Variants in DSTYK observed in about 807,000 individuals in gnomAD.
DSTYK encodes the protein RIP-homologous kinase.
A neutral mutation model predicts 98.7 loss-of-function variants in DSTYK; 34 were observed. The observed-to-expected ratio is 0.34, with a 90% CI of 0.26 to 0.46. The LOEUF is 0.46. Ranked by LOEUF, DSTYK falls within the 20% of genes least tolerant of loss-of-function variation. The pLI, the probability that DSTYK is intolerant of heterozygous loss-of-function variation, is 1.00. For synonymous variants in DSTYK, 462 were observed against 457.3 expected, an observed-to-expected ratio of 1.01 and a Z score of -0.13; for missense variants, 962 against 1,181.7, an observed-to-expected ratio of 0.81 and a Z score of 2.73.
intron 2 of DSTYK, among the ~76,000 whole-genome samples, chr1:205,183,273 G>T (rs1658471939): frequency 6.6e-6 from 1 of 152,166 alleles, no homozygotes; most frequent in African/African-American, 2.4e-5. Context: ...TATGGTGAAT[G>T]GTGAAATGTG....
chr1:205,159,610 G>T lies in DSTYK; in HGVS notation c.2175C>A (p.Gly725=). The T allele has an allele frequency of 6.2e-7, 1 of 1,613,828 alleles. No individual in the cohort carries two copies. The highest frequency in any genetic ancestry group is 8.5e-7 in the Non-Finnish European group (1 of 1,179,964). The change falls in exon 9 of 13, where the codon GGC becomes GGA. Residue 725 remains glycine (G), a synonymous_variant. Transcript: ENST00000367162. ...GSVIDYNYGG[G]SSIAVLLIME... is the part of the protein sequence containing the mutation. ...TAATGAGGAGCACAGCAATGCTGGA[G>T]CCACCACCATAGTTGTAGTCAATGA...
At chr1:205,181,653 GGTTTGTGTGTGTGTGTGTGTGTGT>G (rs1348264343) in intron 2 of DSTYK, among the ~76,000 whole-genome samples, 16 of 84,052 alleles carry the variant, frequency 1.9e-4, no homozygotes, top group South Asian at 9.3e-4. Context: ...CAGATGTTGG[GGTTTGTGTGTGTGTGTGTGTGTGT>G]GTGTGTGTGT....
At chr1:205,160,062 C>G (rs1657670760) in intron 8 of DSTYK, 52 bp downstream of exon 8, 1 of 1,599,300 alleles carries the variant, frequency 6.3e-7, no homozygotes. Context: ...AACCAGGGTT[C>G]TAGATTCTTC....
At position 205,169,850 on chromosome 1, in the gene DSTYK, T is replaced by TCATA. The variant is rs1435066821; in HGVS notation, c.655-22_655-19dup. 6.3e-7 allele frequency: 1 copy of TCATA among 1,595,182 alleles called. No homozygotes were observed. Among genetic ancestry groups the TCATA allele is most frequent in the Admixed American group, 1.7e-5 (1 of 57,916 alleles). ...TCCACTTCCTGGAAGGGGAAGGGGGTCATATATCAGCGCCTCAGGGTCAGA... is the reference window on the plus strand; with the variant it reads ...TCCACTTCCTGGAAGGGGAAGGGGGTCATACATATATCAGCGCCTCAGGGTCAGA... On this transcript the variant is annotated intron_variant, in intron 2 of 12. Coordinates refer to ENST00000367162, the MANE Select transcript of DSTYK (RefSeq NM_015375.3). This position sits in a 1 kb window ranked among gnomAD's most constrained non-coding sequence, Gnocchi z 4.0.
chr1:205,174,187 T>C (rs1419057298), intron 2 of DSTYK, among the ~76,000 whole-genome samples: 1 of 152,004 alleles, frequency 6.6e-6, no homozygotes, highest in Non-Finnish European at 1.5e-5. Flanking sequence ...GGGACCAGCC[T>C]GGCCAACATG....
At chr1:205,200,188 C>A (rs1309421645) in intron 1 of DSTYK, among the ~76,000 whole-genome samples, 1 of 152,082 alleles carries the variant, frequency 6.6e-6, no homozygotes, top group Non-Finnish European at 1.5e-5. Flanking sequence ...AGGCGCCTAC[C>A]ACCGCGACCA....
intron 1 of DSTYK, among the ~76,000 whole-genome samples, chr1:205,201,735 C>T (rs1260281140): frequency 1.3e-5 from 2 of 152,096 alleles, no homozygotes; most frequent in Non-Finnish European, 2.9e-5. Flanking sequence ...ATCTTGTCAG[C>T]AGGCTAAGAC....
At chr1:205,157,211 C>T in intron 10 of DSTYK, 62 bp downstream of exon 10, 2 of 1,403,462 alleles carry the variant, frequency 1.4e-6, no homozygotes, top group Non-Finnish European at 2.0e-6. Flanking sequence ...TTTACATGTA[C>T]CCTCCAAAAT....
Position 205,179,032 on chromosome 1 carries a change from G to A in DSTYK, c.654+8386C>T, listed in dbSNP as rs193179647. ...GTAGTCCCAGGCACTCAGGGGCTGA[G>A]GTGAGAGGATCACTTGAGCCTGGGA... is the stretch of plus-strand genomic sequence containing the variant. On this transcript the variant is annotated intron_variant, in intron 2 of 12. Transcript: ENST00000367162. 3.8e-3 allele frequency among the ~76,000 whole-genome samples: 579 copies of A among 152,026 alleles called. 1 individual carries two copies. Among genetic ancestry groups the A allele is most frequent in the Non-Finnish European group, 5.7e-3 (388 of 67,980 alleles).
chr1:205,196,193 C>T (rs1004791475), intron 1 of DSTYK, among the ~76,000 whole-genome samples: 7 of 152,120 alleles, frequency 4.6e-5, no homozygotes, highest in African/African-American at 1.4e-4. Context: ...ATTAAATAAA[C>T]AAGAGAAAAG....
chr1:205,202,704 G>C, intron 1 of DSTYK: 1 of 870,432 alleles, frequency 1.1e-6, no homozygotes, highest in Non-Finnish European at 1.9e-6. Context: ...AGTTATCCCA[G>C]AAGAAACTGA....
intron 1 of DSTYK, among the ~76,000 whole-genome samples, chr1:205,210,910 C>G: frequency 6.6e-6 from 1 of 152,256 alleles, no homozygotes; most frequent in Non-Finnish European, 1.5e-5. Context: ...CGCACGCGCC[C>G]GCCCCCAACT....
chr1:205,197,213 T>C (rs1306737326), intron 1 of DSTYK, among the ~76,000 whole-genome samples: 1 of 152,048 alleles, frequency 6.6e-6, no homozygotes, highest in Non-Finnish European at 1.5e-5. Flanking sequence ...ATGGTAGTAC[T>C]GAACCCATGT....
Position 205,169,401 on chromosome 1 carries a change from C to T in DSTYK, c.1086G>A (p.Leu362=), listed in dbSNP as rs758581007. ...CAAGGCAGTGGCAGTGCACCAGGTT[C>T]AGGGCCTTGGCTGCATCCACCAGGC... ...QTRLVDAAKA[L]NLVHCHCLDI... The change falls in exon 3 of 13, where the codon CTG becomes CTA. Residue 362 remains leucine (L), a synonymous_variant. Coordinates refer to ENST00000367162, the MANE Select transcript of DSTYK (RefSeq NM_015375.3). This position sits in a 1 kb window ranked among gnomAD's most constrained non-coding sequence, Gnocchi z 4.0. 1 of 1,614,178 alleles carries T rather than the reference C, an allele frequency of 6.2e-7. No individual in the cohort carries two copies. Among genetic ancestry groups the T allele is most frequent in the South Asian group, 1.1e-5 (1 of 91,084 alleles).
chr1:205,199,865 C>T (rs976864747), intron 1 of DSTYK, among the ~76,000 whole-genome samples: 4 of 152,150 alleles, frequency 2.6e-5, no homozygotes, highest in African/African-American at 9.7e-5. Flanking sequence ...AGTTTTCCTA[C>T]CGGCTTCTCT....
chr1:205,175,003 C>T (rs868596774), intron 2 of DSTYK, among the ~76,000 whole-genome samples: 1 of 151,906 alleles, frequency 6.6e-6, no homozygotes, highest in African/African-American at 2.4e-5. Flanking sequence ...TCCCAAAGTG[C>T]GGGGATTACA....
intron 2 of DSTYK, among the ~76,000 whole-genome samples, chr1:205,183,096 A>C (rs1658466581): frequency 6.6e-6 from 1 of 151,472 alleles, no homozygotes; most frequent in African/African-American, 2.4e-5. Flanking sequence ...ACACACACAC[A>C]CACACAGAGA....
intron 1 of DSTYK, among the ~76,000 whole-genome samples, chr1:205,205,308 C>T (rs868130219): frequency 1.3e-5 from 2 of 152,094 alleles, no homozygotes; most frequent in Non-Finnish European, 1.5e-5. Flanking sequence ...AAGATGACAG[C>T]TCTATAAAAT....
intron 2 of DSTYK, among the ~76,000 whole-genome samples, chr1:205,177,454 G>A (rs544528957): frequency 6.6e-6 from 1 of 152,236 alleles, no homozygotes; most frequent in Admixed American, 6.5e-5. Context: ...GGTTTCTCCT[G>A]TTTGTTTTCA....
Sources: allele counts gnomAD v4.1 joint callset (sites outside exome capture counted in the v4.1 genomes callset), GRCh38; gene constraint gnomAD v4.1.1; non-coding constraint Gnocchi (gnomAD v3.1); transcripts MANE v1.5; gene names NCBI Gene and HGNC (gene_info 2026-07-23, HGNC 2026-07-21).